Variants in NEMP2 observed in about 807,000 individuals in gnomAD.
The protein encoded by NEMP2 is UPF0571 transmembrane protein.
NEMP2 carries 53 observed loss-of-function variants against 54.2 expected under a neutral mutation model. The observed-to-expected ratio is 0.98, with a 90% CI of 0.78 to 1.23. The LOEUF (loss-of-function observed/expected upper bound fraction) is 1.23. Ranked by LOEUF, NEMP2 falls within the 50% of genes most tolerant of loss-of-function variation. The probability of loss-of-function intolerance (pLI) is 0.00; values close to 1 mark genes in which losing one functional copy is unlikely to be tolerated. For missense variants in NEMP2, 455 were observed against 511.3 expected, an observed-to-expected ratio of 0.89 and a Z score of 1.06; for synonymous variants, 197 against 190.3, an observed-to-expected ratio of 1.04 and a Z score of -0.29.
intron 7 of NEMP2, among the ~76,000 whole-genome samples, chr2:190,511,391 C>T (rs1001526689): frequency 3.3e-5 from 5 of 151,954 alleles, no homozygotes; most frequent in South Asian, 2.1e-4. Context: ...TATTACATGA[C>T]GAGTGGATCA....
chr2:190,476,242 A>G, the NEMP2 span, among the ~76,000 whole-genome samples: 2 of 152,238 alleles, frequency 1.3e-5, no homozygotes, highest in Non-Finnish European at 2.9e-5. Context: ...CTGCACAGCA[A>G]AAGAAACTAC....
the NEMP2 span, among the ~76,000 whole-genome samples, chr2:190,576,920 T>G: frequency 6.6e-6 from 1 of 152,232 alleles, no homozygotes; most frequent in Non-Finnish European, 1.5e-5. Flanking sequence ...TTGCAAATTC[T>G]AACTCCACCC....
rs1030026845 is a variant in NEMP2 at position 190,513,827 on chromosome 2, T to C, written c.953+626A>G. On this transcript the variant is annotated intron_variant, in intron 7 of 8. Transcript: ENST00000409150. The surrounding 1 kb of genome is among the most constrained non-coding windows in gnomAD (Gnocchi z 5.3). ...TCTCCATTTTAATACTTAAAAGAGA[T>C]AGAAATGTATGCCTATGTCTAGCAA... is the stretch of plus-strand genomic sequence containing the variant. Among the ~76,000 whole-genome samples the C allele has an allele frequency of 4.6e-5, 7 of 152,200 alleles. No homozygotes were observed. Among genetic ancestry groups the C allele is most frequent in the Non-Finnish European group, 1.0e-4 (7 of 68,032 alleles).
chr2:190,624,773 G>C, the NEMP2 span: 1 of 152,202 alleles, frequency 6.6e-6, no homozygotes, highest in Non-Finnish European at 1.5e-5. Context: ...TGGAGGTAGA[G>C]AGTGGATTCA....
In NEMP2 at chr2:190,514,386, A is replaced by T. The variant is rs1313758863; in HGVS notation, c.953+67T>A. On this transcript the variant is annotated intron_variant, in intron 7 of 8. Coordinates refer to ENST00000409150, the MANE Select transcript of NEMP2 (RefSeq NM_001142645.2). This position sits in a 1 kb window ranked among gnomAD's most constrained non-coding sequence, Gnocchi z 5.7. ...TGAGATTAACATGATGTGTGCAAAC[A>T]CTCTCCCAAATAATAAAACTAGAGC... 5.2e-6 allele frequency: 7 copies of T among 1,348,560 alleles called. No individual in the cohort carries two copies. The East Asian group carries it at 1.0e-4, about 19-fold the overall frequency. The allele number at this position is 1,348,560 out of a possible 1,614,324, so 83.5% of individuals were successfully genotyped here.
the NEMP2 span, among the ~76,000 whole-genome samples, chr2:190,600,240 C>T: frequency 6.6e-6 from 1 of 152,056 alleles, no homozygotes; most frequent in Non-Finnish European, 1.5e-5. The surrounding 1 kb of genome is among the most constrained non-coding windows in gnomAD (Gnocchi z 4.9). Flanking sequence ...ATTATTGGCT[C>T]TTCAAGGAGA....
chr2:190,566,409 A>G, the NEMP2 span, among the ~76,000 whole-genome samples: 5 of 152,052 alleles, frequency 3.3e-5, no homozygotes, highest in Non-Finnish European at 7.4e-5. Context: ...ACTTGAGCCC[A>G]GGAGTTTGAG....
Position 190,507,389 on chromosome 2 carries a change from T to C in NEMP2, c.*1800A>G, listed in dbSNP as rs1412041760. On this transcript the variant is annotated 3_prime_UTR_variant, in exon 9 of 9. Coordinates refer to ENST00000409150, the MANE Select transcript of NEMP2 (RefSeq NM_001142645.2). The surrounding 1 kb of genome is among the most constrained non-coding windows in gnomAD (Gnocchi z 4.4). ...GATGTACCTGGCAGCCCCAGCAGAT[T>C]GTTCATGTGTTATTTACTCATACGC... 1 of 152,176 alleles carries C rather than the reference T, an allele frequency of 6.6e-6. No individual in the cohort carries two copies. Among genetic ancestry groups the C allele is most frequent in the Non-Finnish European group, 1.5e-5 (1 of 68,026 alleles). The allele number at this position is 152,176 out of a possible 1,614,324, so 9.4% of individuals were successfully genotyped here.
the NEMP2 span, among the ~76,000 whole-genome samples, chr2:190,463,624 C>G: frequency 6.6e-6 from 1 of 152,106 alleles, no homozygotes; most frequent in Non-Finnish European, 1.5e-5. This position sits in a 1 kb window ranked among gnomAD's most constrained non-coding sequence, Gnocchi z 4.4. Flanking sequence ...AGTTCATGAC[C>G]AGCCTGGGCA....
chr2:190,618,736 A>T, the NEMP2 span, among the ~76,000 whole-genome samples: 1 of 152,100 alleles, frequency 6.6e-6, no homozygotes, highest in African/African-American at 2.4e-5. Context: ...CGTTTCACCA[A>T]GCCCAAGTAG....
In NEMP2 at chr2:190,519,137, T is replaced by C. The variant is rs1690667895; in HGVS notation, c.260A>G (p.Glu87Gly). 1 of 1,550,840 alleles carries C rather than the reference T, an allele frequency of 6.4e-7. No homozygotes were observed. The change falls in exon 3 of 9, where the codon GAA (glutamate) becomes GGA (glycine). Residue 87 changes from glutamate (E) to glycine (G), a missense_variant. By Grantham distance (98) the Glu-to-Gly change is moderately conservative. Transcript: ENST00000409150. The surrounding 1 kb of genome is among the most constrained non-coding windows in gnomAD (Gnocchi z 5.4). ...TTCTGGATATTGGCAATTATGTCTT[T>C]CTGCGATATATACAATTCTGAACAG... ...PGLFRIVYIA[E>G]RHNCQYPENI...
chr2:190,597,920 A>G, the NEMP2 span, among the ~76,000 whole-genome samples: 1 of 152,204 alleles, frequency 6.6e-6, no homozygotes, highest in Non-Finnish European at 1.5e-5. This position sits in a 1 kb window ranked among gnomAD's most constrained non-coding sequence, Gnocchi z 4.7. Flanking sequence ...TTATGAAAAT[A>G]TTCTACTTGT....
chr2:190,577,470 G>A, the NEMP2 span, among the ~76,000 whole-genome samples: 1 of 152,108 alleles, frequency 6.6e-6, no homozygotes, highest in Non-Finnish European at 1.5e-5. The surrounding 1 kb of genome is among the most constrained non-coding windows in gnomAD (Gnocchi z 4.8). Flanking sequence ...AATGATTAAA[G>A]GACCCTCATT....
At chr2:190,564,640 G>T in the NEMP2 span, among the ~76,000 whole-genome samples, 2 of 152,090 alleles carry the variant, frequency 1.3e-5, no homozygotes, top group Non-Finnish European at 1.5e-5. This position sits in a 1 kb window ranked among gnomAD's most constrained non-coding sequence, Gnocchi z 4.2. Flanking sequence ...AGCTTCTCAC[G>T]TAAAAATCTC....
the NEMP2 span, among the ~76,000 whole-genome samples, chr2:190,620,011 T>C: frequency 6.6e-6 from 1 of 152,234 alleles, no homozygotes. This position sits in a 1 kb window ranked among gnomAD's most constrained non-coding sequence, Gnocchi z 4.9. Flanking sequence ...CTGGTGGTTC[T>C]TATTCTGTAA....
chr2:190,516,419 G>C (rs1305158078), intron 5 of NEMP2, 35 bp from the exon 6 acceptor site: 1 of 1,472,656 alleles, frequency 6.8e-7, no homozygotes, highest in African/African-American at 1.4e-5. Context: ...CACATTTTTT[G>C]GTTCATTCAC....
the NEMP2 span, among the ~76,000 whole-genome samples, chr2:190,422,752 G>A: frequency 6.6e-6 from 1 of 152,036 alleles, no homozygotes; most frequent in African/African-American, 2.4e-5. Flanking sequence ...TTTCAGTTTT[G>A]AGGCATTTTC....
chr2:190,556,034 T>C, the NEMP2 span, among the ~76,000 whole-genome samples: 7 of 152,084 alleles, frequency 4.6e-5, no homozygotes, highest in South Asian at 2.1e-4. Flanking sequence ...AAAAAGAAAA[T>C]TTCAGGCCAA....
Position 190,530,704 on chromosome 2 carries a change from T to A in NEMP2, c.97+3855A>T, listed in dbSNP as rs559127703. 6.6e-6 allele frequency among the ~76,000 whole-genome samples: 1 copy of A among 152,250 alleles called. No homozygotes were observed. The highest frequency in any genetic ancestry group is 2.4e-5 in the African/African-American group (1 of 41,464). On this transcript the variant is annotated intron_variant, in intron 1 of 8. Coordinates refer to ENST00000409150, the MANE Select transcript of NEMP2 (RefSeq NM_001142645.2). This position sits in a 1 kb window ranked among gnomAD's most constrained non-coding sequence, Gnocchi z 4.6. ...AATGGAAACAGGAAACAGAGCCAGT[T>A]TGACTGCTTATTTGAACTCTATGGC...
Sources: gnomAD v4.1 joint callset for allele counts (sites outside exome capture counted in the v4.1 genomes callset) on GRCh38, gnomAD v4.1.1 for gene constraint, Gnocchi (gnomAD v3.1) non-coding constraint, MANE v1.5 for transcripts, NCBI Gene and HGNC (gene_info 2026-07-23, HGNC 2026-07-21) for gene names.